USP6NL: variants seen among roughly 807,000 people sequenced by gnomAD.
USP6NL encodes the protein USP6 N-terminal-like protein.
Under a neutral mutation model 61.9 loss-of-function variants are expected in USP6NL, and 26 were observed. The observed-to-expected ratio is 0.42, with a 90% CI of 0.31 to 0.58. The LOEUF (loss-of-function observed/expected upper bound fraction) is 0.58, where lower values mean the gene tolerates loss of function less well. Ranked by LOEUF, USP6NL falls within the 20% of genes least tolerant of loss-of-function variation. USP6NL has a pLI of 0.16. For synonymous variants in USP6NL, 432 were observed against 390.1 expected (o/e 1.11, Z -1.27); for missense variants, 1,114 against 1,034.3 (o/e 1.08, Z -1.06).
rs1028015566 is a variant in USP6NL at position 11,470,211 on chromosome 10, G to A, written c.1079-6362C>T. Among the ~76,000 whole-genome samples the A allele has an allele frequency of 6.6e-6, 1 of 152,150 alleles. No individual in the cohort carries two copies. Among genetic ancestry groups the A allele is most frequent in the Non-Finnish European group, 1.5e-5 (1 of 68,028 alleles). ...GAGAGGACCAGAGAAGCAGCCAGCA[G>A]CGCAGAGGGCATGAGGATGGAGAAG... On this transcript the variant is annotated intron_variant, in intron 14 of 14. Coordinates refer to ENST00000609104, the MANE Select transcript of USP6NL (RefSeq NM_014688.5). The surrounding 1 kb of genome is among the most constrained non-coding windows in gnomAD (Gnocchi z 5.4).
intron 13 of USP6NL, among the ~76,000 whole-genome samples, chr10:11,483,181 CGTAA>C (rs1591829098): frequency 6.6e-6 from 1 of 152,100 alleles, no homozygotes; most frequent in Non-Finnish European, 1.5e-5. Context: ...CGGAACTTCA[CGTAA>C]GTCTCTAACC....
In USP6NL at chr10:11,528,322, T is replaced by A. The variant is rs1835508975; in HGVS notation, c.5-755A>T. Among the ~76,000 whole-genome samples the A allele has an allele frequency of 6.6e-6, 1 of 151,768 alleles. No homozygotes were observed. Among genetic ancestry groups the A allele is most frequent in the Non-Finnish European group, 1.5e-5 (1 of 67,944 alleles). ...CTCTTACCAAAAAAAAAAAGCATTC[T>A]AAGAGAAAACTAGGCAAAGGTTATG... On this transcript the variant is annotated intron_variant, in intron 2 of 14. Transcript: ENST00000609104. This position sits in a 1 kb window ranked among gnomAD's most constrained non-coding sequence, Gnocchi z 4.6.
At chr10:11,563,868 G>T (rs1837029898) in intron 2 of USP6NL, 1 of 152,212 alleles carries the variant, frequency 6.6e-6, no homozygotes, top group African/African-American at 2.4e-5. Flanking sequence ...CCCTCAGGAA[G>T]CTGAGATTGT....
At chr10:11,501,391 G>T (rs1190417760) in intron 6 of USP6NL, among the ~76,000 whole-genome samples, 183 bp from the exon 7 acceptor site, 1 of 152,184 alleles carries the variant, frequency 6.6e-6, no homozygotes, top group Non-Finnish European at 1.5e-5. Context: ...CTAACAGGGA[G>T]ATACAGACAA....
At chr10:11,558,856 T>TATA (rs77664629) in intron 2 of USP6NL, among the ~76,000 whole-genome samples, 18,185 of 152,108 alleles carry the variant, frequency 0.12, 1,646 homozygotes, top group East Asian at 0.43. Flanking sequence ...CAAATGGAAG[T>TATA]ATAACTACAA....
chr10:11,523,631 T>TA (rs911528681), intron 4 of USP6NL, among the ~76,000 whole-genome samples: 7 of 151,972 alleles, frequency 4.6e-5, no homozygotes, highest in Admixed American at 3.3e-4. Context: ...TTTGCCAGTT[T>TA]AAAAAAAAGT....
chr10:11,493,546 G>A (rs1833790663), intron 7 of USP6NL, among the ~76,000 whole-genome samples: 1 of 152,164 alleles, frequency 6.6e-6, no homozygotes, highest in African/African-American at 2.4e-5. Flanking sequence ...GTTCTTCATG[G>A]CTGAGCCATG....
chr10:11,510,565 C>A lies in USP6NL; in HGVS notation c.196-890G>T, dbSNP rs923608548. On this transcript the variant is annotated intron_variant, in intron 5 of 14. Transcript: ENST00000609104. This position sits in a 1 kb window ranked among gnomAD's most constrained non-coding sequence, Gnocchi z 4.8. ...AGGCTGCGGAATGGGGAAAGTGAGA[C>A]GGAAAATGCTCGCTCTTCACTTGTT... Among the ~76,000 whole-genome samples, 1 of 152,042 alleles carries A rather than the reference C, an allele frequency of 6.6e-6. No individual in the cohort carries two copies. Among genetic ancestry groups the A allele is most frequent in the Non-Finnish European group, 1.5e-5 (1 of 68,010 alleles).
At chr10:11,563,283 G>C (rs1381029455) in intron 2 of USP6NL, 1 of 152,170 alleles carries the variant, frequency 6.6e-6, no homozygotes, top group African/African-American at 2.4e-5. Context: ...GCAGGGAGGT[G>C]TGGGAAGGGT....
rs1260674913 is a variant in USP6NL, at chr10:11,553,394, G to A, written c.5-25827C>T. Among the ~76,000 whole-genome samples the A allele has an allele frequency of 6.6e-6, 1 of 152,196 alleles. No individual in the cohort carries two copies. The highest frequency in any genetic ancestry group is 1.5e-5 in the Non-Finnish European group (1 of 68,040). On this transcript the variant is annotated intron_variant, in intron 2 of 14. Coordinates refer to ENST00000609104, the MANE Select transcript of USP6NL (RefSeq NM_014688.5). The surrounding 1 kb of genome is among the most constrained non-coding windows in gnomAD (Gnocchi z 4.8). The stretch of plus-strand genomic sequence containing the variant: ...AACTTCAGCCTCCAGGTTTCCTTGT[G>A]TGGATGTCATTTCAGCAAGGATACC...
chr10:11,518,515 A>C lies in USP6NL; in HGVS notation c.195+20T>G. On this transcript the variant is annotated intron_variant, in intron 5 of 14. Coordinates refer to ENST00000609104, the MANE Select transcript of USP6NL (RefSeq NM_014688.5). This position sits in a 1 kb window ranked among gnomAD's most constrained non-coding sequence, Gnocchi z 5.3. ...AGGCAATTCACCAGTAACTGTAAATACATCAAGAGCAGGACTTACCCGTTC... is the reference window on the plus strand; with the variant it reads ...AGGCAATTCACCAGTAACTGTAAATCCATCAAGAGCAGGACTTACCCGTTC... 2 of 1,609,024 alleles carry C rather than the reference A, an allele frequency of 1.2e-6. No individual in the cohort carries two copies. Among genetic ancestry groups the C allele is most frequent in the Non-Finnish European group, 1.7e-6 (2 of 1,176,836 alleles).
Position 11,470,038 on chromosome 10 carries a change from G to A in USP6NL, c.1079-6189C>T, listed in dbSNP as rs1335328686. Among the ~76,000 whole-genome samples the A allele has an allele frequency of 6.6e-6, 1 of 152,196 alleles. No homozygotes were observed. The highest frequency in any genetic ancestry group is 1.5e-5 in the Non-Finnish European group (1 of 68,042). On this transcript the variant is annotated intron_variant, in intron 14 of 14. Coordinates refer to ENST00000609104, the MANE Select transcript of USP6NL (RefSeq NM_014688.5). The surrounding 1 kb of genome is among the most constrained non-coding windows in gnomAD (Gnocchi z 5.4). ...AGTGTATATACAGCTTACGTTTCCA[G>A]GGAGGCCCTCAGGCCCCCGGGGCAG...
At chr10:11,606,014 A>G (rs1564246620) in intron 1 of USP6NL, among the ~76,000 whole-genome samples, 1 of 152,182 alleles carries the variant, frequency 6.6e-6, no homozygotes, top group East Asian at 1.9e-4. Context: ...CGGTATCAAA[A>G]TGCCCCATAT....
chr10:11,562,629 C>T lies in USP6NL; in HGVS notation c.4+35002G>A, dbSNP rs1836986426. ...AACTAAATGTAATTCTAACACTGAA[C>T]AGTCCTCTAATTATTTGTGACACTC... On this transcript the variant is annotated intron_variant, in intron 2 of 14. Coordinates refer to ENST00000609104, the MANE Select transcript of USP6NL (RefSeq NM_014688.5). The surrounding 1 kb of genome is among the most constrained non-coding windows in gnomAD (Gnocchi z 4.8). The T allele has an allele frequency of 1.0e-6, 1 of 985,394 alleles. No individual in the cohort carries two copies. Among genetic ancestry groups the T allele is most frequent in the Non-Finnish European group, 1.2e-6 (1 of 829,920 alleles). The allele number at this position is 985,394 out of a possible 1,614,324, so 61.0% of individuals were successfully genotyped here.
In USP6NL at chr10:11,585,762, T is replaced by C. The variant is rs1382378423; in HGVS notation, c.4+11869A>G. ...GAATGGATAAACAAAATATGGTCTA[T>C]ATATACAAGGGAATATTATTCAGCC... On this transcript the variant is annotated intron_variant, in intron 2 of 14. Transcript: ENST00000609104. This position sits in a 1 kb window ranked among gnomAD's most constrained non-coding sequence, Gnocchi z 4.5. Among the ~76,000 whole-genome samples, 1 of 152,186 alleles carries C rather than the reference T, an allele frequency of 6.6e-6. No homozygotes were observed. Among genetic ancestry groups the C allele is most frequent in the East Asian group, 1.9e-4 (1 of 5,202 alleles).
rs1157878541 is a variant in USP6NL at position 11,481,938 on chromosome 10, A to C, written c.926-16T>G. ...ATTAGATGTTCTAAGAAAGGATAAGAGAAATGAAAATGCCAAGTCAATAGC... is the reference window on the plus strand; with the variant it reads ...ATTAGATGTTCTAAGAAAGGATAAGCGAAATGAAAATGCCAAGTCAATAGC... On this transcript the variant is annotated splice_polypyrimidine_tract_variant and intron_variant, in intron 13 of 14. Coordinates refer to ENST00000609104, the MANE Select transcript of USP6NL (RefSeq NM_014688.5). This position sits in a 1 kb window ranked among gnomAD's most constrained non-coding sequence, Gnocchi z 4.4. 9 of 1,591,596 alleles carry C rather than the reference A, an allele frequency of 5.7e-6. No homozygotes were observed. The highest frequency in any genetic ancestry group is 7.7e-6 in the Non-Finnish European group (9 of 1,170,934).
At chr10:11,576,351 C>T (rs781522379) in intron 2 of USP6NL, among the ~76,000 whole-genome samples, 9 of 152,280 alleles carry the variant, frequency 5.9e-5, no homozygotes, top group Middle Eastern at 3.4e-3. Flanking sequence ...CTGGTCAATT[C>T]CCTCCATGCC....
At chr10:11,527,591 G>T in intron 2 of USP6NL, 24 bp from the exon 3 acceptor site, 1 of 1,591,924 alleles carries the variant, frequency 6.3e-7, no homozygotes. Flanking sequence ...ATCAAATTTA[G>T]ATGAATTGTC....
chr10:11,521,508 G>A (rs1835208372), intron 4 of USP6NL, among the ~76,000 whole-genome samples: 1 of 151,636 alleles, frequency 6.6e-6, no homozygotes. Flanking sequence ...AGCCTTCCAA[G>A]TAGCTGGGAT....
Sources: allele counts gnomAD v4.1 joint callset (sites outside exome capture counted in the v4.1 genomes callset), GRCh38; gene constraint gnomAD v4.1.1; non-coding constraint Gnocchi (gnomAD v3.1); transcripts MANE v1.5; gene names NCBI Gene and HGNC (gene_info 2026-07-23, HGNC 2026-07-21).